TMEM94: variants seen among roughly 807,000 people sequenced by gnomAD.
TMEM94 encodes the protein ER Mg2+ ATPase.
In TMEM94, 81 loss-of-function variants were observed where a neutral mutation model predicts 158.6. The observed-to-expected ratio is 0.51, with a 90% CI of 0.43 to 0.61. The LOEUF is 0.61. Among genes scored for constraint, TMEM94 ranks in the 20% least tolerant of loss-of-function variants. The probability of loss-of-function intolerance (pLI) is 0.00; values close to 1 mark genes in which losing one functional copy is unlikely to be tolerated. For missense variants in TMEM94, 1,435 were observed against 1,762.0 expected (o/e 0.81, Z 3.32); for synonymous variants, 751 against 730.7 (o/e 1.03, Z -0.45).
chr17:75,460,711 C>G (rs1179898985), intron 1 of TMEM94, among the ~76,000 whole-genome samples: 2 of 152,004 alleles, frequency 1.3e-5, no homozygotes, highest in African/African-American at 4.8e-5. Context: ...CGGTTCTTGC[C>G]CTGTTGCCCA....
In TMEM94 at chr17:75,495,306, G is replaced by T. The variant is rs763193440; in HGVS notation, c.2751G>T (p.Gly917=). The change falls in exon 21 of 32, where the codon GGG becomes GGT. Residue 917 remains glycine (G), a synonymous_variant. Coordinates refer to ENST00000314256, the MANE Select transcript of TMEM94 (RefSeq NM_014738.6). The surrounding 1 kb of genome is among the most constrained non-coding windows in gnomAD (Gnocchi z 5.6). ...CAGTGTCCCGAGATGATGCAGAAGG[G>T]CTCCTCCTCATGGAGGAGGAGGGCC... is the stretch of plus-strand genomic sequence containing the variant. The part of the protein sequence containing the change: ...LNQVSRDDAE[G]LLLMEEEGHS... 5 of 1,610,090 alleles carry T rather than the reference G, an allele frequency of 3.1e-6. No homozygotes were observed. In the South Asian group the frequency reaches 5.5e-5, roughly 18 times the overall value.
intron 1 of TMEM94, among the ~76,000 whole-genome samples, chr17:75,467,927 G>T (rs2050367309): frequency 6.6e-6 from 1 of 152,336 alleles, no homozygotes; most frequent in Admixed American, 6.5e-5. Context: ...AGTAATGGCA[G>T]TTGTTTATTG....
chr17:75,494,410 C>T (rs1405283411), intron 18 of TMEM94, among the ~76,000 whole-genome samples: 1 of 152,226 alleles, frequency 6.6e-6, no homozygotes, highest in Non-Finnish European at 1.5e-5. Flanking sequence ...TGAAGCCACG[C>T]CTTGTTGTAG....
chr17:75,476,397 T>G, intron 2 of TMEM94: 2 of 769,712 alleles, frequency 2.6e-6, no homozygotes, highest in South Asian at 2.4e-5. Flanking sequence ...TGCTCCTGTT[T>G]CCTCCCTCCT....
chr17:75,465,655 T>TATATATATATATATATATATATA (rs9302993), intron 1 of TMEM94, among the ~76,000 whole-genome samples: 14 of 98,812 alleles, frequency 1.4e-4, no homozygotes, highest in African/African-American at 6.9e-4. Flanking sequence ...ATAAGAATTT[T>TATATATATATATATATATATATA]TATATATATA....
chr17:75,485,801 T>G lies in TMEM94; in HGVS notation c.145-70T>G, dbSNP rs1598385049. On this transcript the variant is annotated intron_variant, in intron 3 of 31. Coordinates refer to ENST00000314256, the MANE Select transcript of TMEM94 (RefSeq NM_014738.6). The surrounding 1 kb of genome is among the most constrained non-coding windows in gnomAD (Gnocchi z 5.5). ...AGGCGGCCATGGGGGCTGGGAAGGG[T>G]GCCGGGGGAGGCAGCCAGATTGGAG... The G allele has an allele frequency of 6.6e-7, 1 of 1,516,934 alleles. No individual in the cohort carries two copies. Among genetic ancestry groups the G allele is most frequent in the Non-Finnish European group, 8.9e-7 (1 of 1,124,836 alleles). 94.0% of individuals were successfully genotyped at this position (1,516,934 alleles called of 1,614,324 possible).
intron 1 of TMEM94, among the ~76,000 whole-genome samples, chr17:75,461,834 A>T (rs563361613): frequency 6.6e-6 from 1 of 150,564 alleles, no homozygotes; most frequent in African/African-American, 2.4e-5. Context: ...GAATGGCGCG[A>T]ACCCGGGAGG....
chr17:75,464,608 T>G (rs1175864847), intron 1 of TMEM94, among the ~76,000 whole-genome samples: 1 of 75,992 alleles, frequency 1.3e-5, no homozygotes, highest in African/African-American at 5.1e-5. Flanking sequence ...CTTTCTTTCC[T>G]TCCTTTCTTT....
chr17:75,476,535 C>G, intron 2 of TMEM94: 2 of 1,438,158 alleles, frequency 1.4e-6, no homozygotes, highest in East Asian at 5.0e-5. Context: ...TCTGCTGCGC[C>G]TGATTCTGTG....
chr17:75,468,954 T>C (rs2050401024), intron 1 of TMEM94, among the ~76,000 whole-genome samples: 1 of 152,122 alleles, frequency 6.6e-6, no homozygotes, highest in South Asian at 2.1e-4. Context: ...TCAGTGTCAC[T>C]CTTTACTCAA....
At chr17:75,482,392 C>T (rs905119334) in intron 2 of TMEM94, among the ~76,000 whole-genome samples, 2 of 151,916 alleles carry the variant, frequency 1.3e-5, no homozygotes, top group African/African-American at 2.4e-5. Flanking sequence ...AGTGTAGTCC[C>T]AGCCACTCCA....
chr17:75,473,588 C>G (rs2050571931), intron 2 of TMEM94, among the ~76,000 whole-genome samples: 1 of 152,182 alleles, frequency 6.6e-6, no homozygotes, highest in African/African-American at 2.4e-5. Flanking sequence ...TCTCTCCAGC[C>G]TGAGGAAGAA....
At chr17:75,463,573 G>A (rs1477429653) in intron 1 of TMEM94, among the ~76,000 whole-genome samples, 3 of 152,140 alleles carry the variant, frequency 2.0e-5, no homozygotes, top group African/African-American at 7.2e-5. Flanking sequence ...ATCTGTTAAT[G>A]CAGCCTAAAT....
At position 75,493,477 on chromosome 17, in the gene TMEM94, ACT is replaced by A. The variant is rs766156522; in HGVS notation, c.2087-8_2087-7del. On this transcript the variant is annotated splice_polypyrimidine_tract_variant and intron_variant, in intron 16 of 31. Transcript: ENST00000314256. Reference sequence around the variant, plus strand: ...CTGGTTAGCGACACTCAGGGTTTGAACTCTCTCCCCCAGGCACAGAGCAGATG... The same window carrying A: ...CTGGTTAGCGACACTCAGGGTTTGAACTCTCCCCCAGGCACAGAGCAGATG... 3.7e-6 allele frequency: 6 copies of A among 1,612,144 alleles called. No homozygotes were observed. The Admixed American group carries it at 8.3e-5, about 22-fold the overall frequency.
chr17:75,471,460 T>C (rs2050500083), intron 1 of TMEM94, among the ~76,000 whole-genome samples: 1 of 151,878 alleles, frequency 6.6e-6, no homozygotes, highest in African/African-American at 2.4e-5. Flanking sequence ...TACTGTGGTT[T>C]AGATGATACT....
intron 1 of TMEM94, among the ~76,000 whole-genome samples, chr17:75,463,100 A>C (rs1294479456): frequency 8.1e-5 from 1 of 12,318 alleles, no homozygotes; most frequent in Non-Finnish European, 1.6e-4. Context: ...ACACATATAT[A>C]TGTGTGTATA....
At chr17:75,475,780 T>A (rs2050662348) in intron 2 of TMEM94, among the ~76,000 whole-genome samples, 1 of 152,184 alleles carries the variant, frequency 6.6e-6, no homozygotes, top group Non-Finnish European at 1.5e-5. Flanking sequence ...TATTGGGGCA[T>A]CACCGGCTGC....
rs766251865 is a variant in TMEM94 at position 75,485,449 on chromosome 17, G to A, written c.46G>A (p.Gly16Ser). 1 of 1,614,098 alleles carries A rather than the reference G, an allele frequency of 6.2e-7. No individual in the cohort carries two copies. Among genetic ancestry groups the A allele is most frequent in the Non-Finnish European group, 8.5e-7 (1 of 1,179,966 alleles). ...GCAGGGCGAGCCTCCCTCAGCCCTG[G>A]GCCTGTCCACGCGGAAGGCCCTCAG... ...KHLGEPPSAL[G>S]LSTRKALSVL... The change falls in exon 3 of 32, where the codon GGC (glycine) becomes AGC (serine). Residue 16 changes from glycine (G) to serine (S), a missense_variant. Gly to Ser is a moderately conservative substitution (Grantham distance 56, BLOSUM62 0). Coordinates refer to ENST00000314256, the MANE Select transcript of TMEM94 (RefSeq NM_014738.6). This position sits in a 1 kb window ranked among gnomAD's most constrained non-coding sequence, Gnocchi z 5.5.
intron 2 of TMEM94, among the ~76,000 whole-genome samples, chr17:75,484,736 TA>T (rs1567937268): frequency 1.3e-5 from 2 of 151,776 alleles, no homozygotes; most frequent in East Asian, 3.9e-4. Flanking sequence ...TCTCTCCATT[TA>T]AAAAAAGATA....
Sources: allele counts gnomAD v4.1 joint callset (sites outside exome capture counted in the v4.1 genomes callset), GRCh38; gene constraint gnomAD v4.1.1; non-coding constraint Gnocchi (gnomAD v3.1); transcripts MANE v1.5; gene names NCBI Gene and HGNC (gene_info 2026-07-23, HGNC 2026-07-21).